The following LMNB2 variants were observed in gnomAD, a reference collection of about 807,000 sequenced individuals.
The protein encoded by LMNB2 is lamin B2.
LMNB2 carries 17 observed loss-of-function variants against 69.3 expected under a neutral mutation model. That is an observed-to-expected ratio of 0.25 (90% CI 0.17 to 0.37). The LOEUF is 0.37. Among genes scored for constraint, LMNB2 ranks in the 10% least tolerant of loss-of-function variants. The probability of loss-of-function intolerance (pLI) is 1.00; values close to 1 mark genes in which losing one functional copy is unlikely to be tolerated. For synonymous variants in LMNB2, 397 were observed against 389.3 expected (o/e 1.02, Z -0.23); for missense variants, 789 against 883.6 (o/e 0.89, Z 1.36).
At position 2,433,906 on chromosome 19, in the gene LMNB2, C is replaced by T. The variant is rs751465568; in HGVS notation, c.1402G>A (p.Ala468Thr). 2 of 1,612,364 alleles carry T rather than the reference C, an allele frequency of 1.2e-6. No homozygotes were observed. Among genetic ancestry groups the T allele is most frequent in the Non-Finnish European group, 8.5e-7 (1 of 1,179,412 alleles). The change falls in exon 8 of 12, where the codon GCC becomes ACC. Residue 468 changes from alanine to threonine, a missense_variant. Ala to Thr is a moderately conservative substitution (Grantham distance 58, BLOSUM62 0). Coordinates refer to ENST00000325327, the MANE Select transcript of LMNB2 (RefSeq NM_032737.4). ...GSGGFHLAQQ[A>T]SASGSVSIEE... ...ATGCTGACGCTACCCGAGGCCGAGG[C>T]CTGCTGGGCCAGGTGGAAGCCACCG...
rs578029528 is a variant in LMNB2 at position 2,430,319 on chromosome 19, G to A, written c.*592C>T. The A allele has an allele frequency of 5.2e-5, 9 of 173,502 alleles. No homozygotes were observed. In the South Asian group the frequency reaches 1.2e-3, roughly 22 times the overall value. The allele number at this position is 173,502 out of a possible 1,614,324, so 10.7% of individuals were successfully genotyped here. A position where few individuals can be genotyped will look rare whatever the true frequency, so the allele number is the denominator to read the frequency against. On this transcript the variant is annotated 3_prime_UTR_variant, in exon 12 of 12. Coordinates refer to ENST00000325327, the MANE Select transcript of LMNB2 (RefSeq NM_032737.4). ...AACCCGGCCGGTGCGCTGCCAGAAC[G>A]GGAATCTGGAAGCCCAGGCAGCGGA...
chr19:2,434,837 C>A lies in LMNB2; in HGVS notation c.932G>T (p.Arg311Leu), dbSNP rs1372849024. ...GTAGCTGAGGGACTCCAGGCGCATG[C>A]GGGCCTCCTTCAGCTCCTCGCGAGC... ...SAAREELKEA[R>L]MRLESLSYQL... Residue 311 changes from arginine (R) to leucine (L), a missense_variant, in exon 6 of 12, where the codon CGC (arginine) becomes CTC (leucine). By Grantham distance (102) the Arg-to-Leu change is moderately radical. Around this residue, in one of 3 missense-constraint regions of LMNB2, gnomAD observed 609 missense variants for 630.9 expected, o/e 0.97. Coordinates refer to ENST00000325327, the MANE Select transcript of LMNB2 (RefSeq NM_032737.4). 1 of 1,608,654 alleles carries A rather than the reference C, an allele frequency of 6.2e-7. No homozygotes were observed. The highest frequency in any genetic ancestry group is 8.5e-7 in the Non-Finnish European group (1 of 1,179,118).
At chr19:2,433,637 G>A (rs535737460) in intron 8 of LMNB2, among the ~76,000 whole-genome samples, 189 bp downstream of exon 8, 3 of 69,964 alleles carry the variant, frequency 4.3e-5, no homozygotes, top group African/African-American at 2.0e-4. Context: ...CCTCGTATTG[G>A]CCGGCGGCCC....
At chr19:2,433,222 C>T (rs562377771) in intron 8 of LMNB2, among the ~76,000 whole-genome samples, 29 of 50,554 alleles carry the variant, frequency 5.7e-4, no homozygotes, top group African/African-American at 2.5e-3. Flanking sequence ...TATTGGCCGG[C>T]GGCCCCGTCA....
chr19:2,454,044 G>A (rs1177989918), intron 1 of LMNB2, among the ~76,000 whole-genome samples: 1 of 152,114 alleles, frequency 6.6e-6, no homozygotes, highest in Non-Finnish European at 1.5e-5. Context: ...TGTAATCCCA[G>A]TACTTTGGGA....
rs1971727299 is a variant in LMNB2 at position 2,430,573 on chromosome 19, G to A, written c.*338C>T. ...TCCGCGCTCCGTCCGCAGCAGGGCC[G>A]TCTCCTGTCCCCTCGCTAGCCTCGC... is the stretch of plus-strand genomic sequence containing the variant. On this transcript the variant is annotated 3_prime_UTR_variant, in exon 12 of 12. Coordinates refer to ENST00000325327, the MANE Select transcript of LMNB2 (RefSeq NM_032737.4). 4 of 420,790 alleles carry A rather than the reference G, an allele frequency of 9.5e-6. No individual in the cohort carries two copies. The highest frequency in any genetic ancestry group is 1.0e-4 in the East Asian group (2 of 19,552). The allele number at this position is 420,790 out of a possible 1,614,324, so 26.1% of individuals were successfully genotyped here.
At chr19:2,455,511 C>A (rs546696057) in intron 1 of LMNB2, among the ~76,000 whole-genome samples, 153 of 152,224 alleles carry the variant, frequency 1.0e-3, no homozygotes, top group African/African-American at 3.4e-3. Context: ...CAGGACCTCT[C>A]TTTGGTGGGG....
At chr19:2,434,212 C>T (rs1260489092) in intron 7 of LMNB2, 83 bp downstream of exon 7, 3 of 1,548,506 alleles carry the variant, frequency 1.9e-6, no homozygotes, top group East Asian at 4.8e-5. Context: ...CTGCCCAGCA[C>T]TCCCCGCAGC....
intron 1 of LMNB2, among the ~76,000 whole-genome samples, chr19:2,452,121 C>T (rs1403109579): frequency 6.6e-6 from 1 of 152,166 alleles, no homozygotes; most frequent in Non-Finnish European, 1.5e-5. Flanking sequence ...CAGCCCCCAC[C>T]CCACCCTTTC....
Position 2,456,817 on chromosome 19 carries a change from C to T in LMNB2, c.117G>A (p.Thr39=). Residue 39 remains threonine, a synonymous_variant, in exon 1 of 12, where the codon ACG becomes ACA. Coordinates refer to ENST00000325327, the MANE Select transcript of LMNB2 (RefSeq NM_032737.4). The part of the protein sequence containing the change: ...AGGPATPLSP[T]RLSRLQEKEE... ...CCTTCTCCTGCAGCCGCGACAGGCG[C>T]GTGGGCGACAGCGGCGTGGCGGGCC... 1 of 1,464,876 alleles carries T rather than the reference C, an allele frequency of 6.8e-7. No individual in the cohort carries two copies. Among genetic ancestry groups the T allele is most frequent in the South Asian group, 1.3e-5 (1 of 76,122 alleles). 90.7% of individuals were successfully genotyped at this position (1,464,876 alleles called of 1,614,324 possible). A position where few individuals can be genotyped will look rare whatever the true frequency, so the allele number is the denominator to read the frequency against.
intron 1 of LMNB2, among the ~76,000 whole-genome samples, chr19:2,456,184 C>CGG (rs1972085985): frequency 6.6e-6 from 1 of 150,924 alleles, no homozygotes; most frequent in Non-Finnish European, 1.5e-5. Flanking sequence ...TCCCCGAGGC[C>CGG]GGACTGTCCC....
At chr19:2,455,457 A>C (rs1972076594) in intron 1 of LMNB2, among the ~76,000 whole-genome samples, 2 of 152,056 alleles carry the variant, frequency 1.3e-5, no homozygotes, top group South Asian at 4.1e-4. Flanking sequence ...GGGACGAGGC[A>C]TATGGGGGGC....
chr19:2,438,625 G>A (rs2145454776), intron 2 of LMNB2, 94 bp from the exon 3 acceptor site: 2 of 1,470,612 alleles, frequency 1.4e-6, no homozygotes, highest in South Asian at 1.3e-5. Context: ...CAAAGACAAG[G>A]TCACCGAGGC....
intron 1 of LMNB2, among the ~76,000 whole-genome samples, chr19:2,450,502 C>T (rs556267970): frequency 2.0e-4 from 31 of 151,414 alleles, no homozygotes; most frequent in Non-Finnish European, 4.3e-4. Flanking sequence ...GCTGGGATTA[C>T]AGGCATGAGC....
chr19:2,456,631 G>A (rs1285491778), intron 1 of LMNB2, 39 bp downstream of exon 1: 9 of 1,436,216 alleles, frequency 6.3e-6, no homozygotes, highest in East Asian at 3.2e-5. Context: ...GGGGCCTGCC[G>A]GCTGCACCCC....
At chr19:2,432,335 C>CCCCA in intron 9 of LMNB2, 81 bp downstream of exon 9, 1 of 981,302 alleles carries the variant, frequency 1.0e-6, no homozygotes, top group Non-Finnish European at 1.6e-6. Context: ...CCCACCCCCG[C>CCCCA]CAAGTCCTGT....
intron 4 of LMNB2, among the ~76,000 whole-genome samples, chr19:2,437,608 C>T (rs1971843281): frequency 6.6e-6 from 1 of 152,148 alleles, no homozygotes; most frequent in South Asian, 2.1e-4. Flanking sequence ...CGAGACCAGC[C>T]TGGCCAACGT....
chr19:2,444,648 C>T (rs752358657), intron 1 of LMNB2, 108 bp from the exon 2 acceptor site: 120 of 1,429,050 alleles, frequency 8.4e-5, no homozygotes, highest in Non-Finnish European at 1.1e-4. Context: ...GACTGGCACG[C>T]AGAGAGAGAG....
chr19:2,432,580 A>G, intron 8 of LMNB2, 57 bp from the exon 9 acceptor site: 1 of 1,432,024 alleles, frequency 7.0e-7, no homozygotes, highest in Non-Finnish European at 9.8e-7. Flanking sequence ...CACCGCCCCC[A>G]TCGCCCTGGC....
Sources: allele counts gnomAD v4.1 joint callset (sites outside exome capture counted in the v4.1 genomes callset), GRCh38; gene constraint gnomAD v4.1.1; regional missense constraint gnomAD v4.1.1; transcripts MANE v1.5; gene names NCBI Gene and HGNC (gene_info 2026-07-23, HGNC 2026-07-21).